The following YTHDF3 variants were observed in gnomAD, a reference collection of about 807,000 sequenced individuals.
YTHDF3 encodes the protein YTH domain-containing family protein 3.
Under a neutral mutation model 52.5 loss-of-function variants are expected in YTHDF3, and 9 were observed. The observed-to-expected ratio is 0.17, with a 90% CI of 0.10 to 0.30. YTHDF3 has a LOEUF of 0.30. YTHDF3 is among the 10% of genes least tolerant of loss of function. YTHDF3 has a pLI of 1.00. For synonymous variants in YTHDF3, 274 were observed against 243.3 expected (o/e 1.13, Z -1.18); for missense variants, 534 against 715.0 (o/e 0.75, Z 2.89).
chr8:63,198,389 C>T (rs1014420869), intron 4 of YTHDF3, among the ~76,000 whole-genome samples: 4 of 152,172 alleles, frequency 2.6e-5, no homozygotes, highest in African/African-American at 9.7e-5. Context: ...GCCTCAGCCT[C>T]CCGAGTAGCC....
At chr8:63,170,124 A>G (rs893046194) in intron 2 of YTHDF3, among the ~76,000 whole-genome samples, 2 of 152,212 alleles carry the variant, frequency 1.3e-5, no homozygotes, top group Non-Finnish European at 2.9e-5. Flanking sequence ...ACATTATGAC[A>G]TTAGTCATGT....
At position 63,212,283 on chromosome 8, in the gene YTHDF3, G is replaced by T. The variant is rs1041090778; in HGVS notation, c.*2577G>T. 2.0e-5 allele frequency: 3 copies of T among 152,582 alleles called. No individual in the cohort carries two copies. Among genetic ancestry groups the T allele is most frequent in the African/African-American group, 7.2e-5 (3 of 41,446 alleles). 9.5% of individuals were successfully genotyped at this position (152,582 alleles called of 1,614,324 possible). On this transcript the variant is annotated 3_prime_UTR_variant, in exon 5 of 5. Coordinates refer to ENST00000539294, the MANE Select transcript of YTHDF3 (RefSeq NM_152758.6). ...AATTAGTATTTCTCTATACGTATTG[G>T]TACTTGAAGATTCCTTTCAAAAGAA...
intron 2 of YTHDF3, among the ~76,000 whole-genome samples, chr8:63,174,052 T>G (rs1327181690): frequency 6.6e-6 from 1 of 152,184 alleles, no homozygotes; most frequent in African/African-American, 2.4e-5. Flanking sequence ...TAACTCATAA[T>G]ATTACATTTT....
chr8:63,171,298 A>C (rs1252882445), intron 2 of YTHDF3, among the ~76,000 whole-genome samples: 1 of 152,186 alleles, frequency 6.6e-6, no homozygotes, highest in Non-Finnish European at 1.5e-5. Flanking sequence ...TCTAGTCATA[A>C]TTCCCATAAT....
chr8:63,175,194 T>G lies in YTHDF3; in HGVS notation c.50-137T>G, dbSNP rs1175105740. On this transcript the variant is annotated intron_variant, in intron 2 of 4. Transcript: ENST00000539294. ...ATTTGTATCTAAAATAGTTTATCCT[T>G]AAGAGGGTTCTTAAAAATAACTCAG... The G allele has an allele frequency of 3.4e-5, 21 of 619,308 alleles. No individual in the cohort carries two copies. In the East Asian group the frequency reaches 5.2e-4, roughly 15 times the overall value. 38.4% of individuals were successfully genotyped at this position (619,308 alleles called of 1,614,324 possible).
chr8:63,208,545 C>G (rs891245777), intron 4 of YTHDF3, among the ~76,000 whole-genome samples: 1 of 152,168 alleles, frequency 6.6e-6, no homozygotes, highest in Non-Finnish European at 1.5e-5. Context: ...TTCTTAGGTT[C>G]CACGTCAGAC....
Position 63,211,059 on chromosome 8 carries a change from G to A in YTHDF3, c.*1353G>A, listed in dbSNP as rs1299696136. 2 of 152,488 alleles carry A rather than the reference G, an allele frequency of 1.3e-5. No homozygotes were observed. The highest frequency in any genetic ancestry group is 4.8e-5 in the African/African-American group (2 of 41,422). 9.4% of individuals were successfully genotyped at this position (152,488 alleles called of 1,614,324 possible). A position where few individuals can be genotyped will look rare whatever the true frequency, so the allele number is the denominator to read the frequency against. ...GTAGATTTGAATACCTTGATGTTTT[G>A]CATTACTTCATTTATGTTTACATCA... On this transcript the variant is annotated 3_prime_UTR_variant, in exon 5 of 5. Transcript: ENST00000539294.
intron 3 of YTHDF3, among the ~76,000 whole-genome samples, chr8:63,179,922 C>T (rs982266737): frequency 6.6e-5 from 10 of 150,718 alleles, no homozygotes; most frequent in South Asian, 2.1e-4. Flanking sequence ...TAGGGGCGGC[C>T]GGGCAGAGGC....
intron 1 of YTHDF3, 162 bp from the exon 2 acceptor site, chr8:63,169,225 C>CTGGG: frequency 7.6e-7 from 1 of 1,313,680 alleles, no homozygotes; most frequent in African/African-American, 1.5e-5. Flanking sequence ...GGTTTAAAGG[C>CTGGG]TGGGGGTGGT....
chr8:63,171,189 C>A (rs1048791896), intron 2 of YTHDF3, among the ~76,000 whole-genome samples: 1 of 152,064 alleles, frequency 6.6e-6, no homozygotes, highest in African/African-American at 2.4e-5. Context: ...TCCTTGGAGT[C>A]CTGAGTTCTA....
intron 4 of YTHDF3, 49 bp downstream of exon 4, chr8:63,187,794 G>A: frequency 6.6e-7 from 1 of 1,508,734 alleles, no homozygotes; most frequent in Non-Finnish European, 8.8e-7. Flanking sequence ...TGCTGGTGGG[G>A]TGCATGGATG....
intron 2 of YTHDF3, among the ~76,000 whole-genome samples, chr8:63,174,210 TTTTG>T (rs932026847): frequency 1.2e-4 from 18 of 152,242 alleles, no homozygotes; most frequent in African/African-American, 3.6e-4. Flanking sequence ...ACTGAGTTCT[TTTTG>T]TTTCTAATTT....
intron 4 of YTHDF3, among the ~76,000 whole-genome samples, chr8:63,188,467 C>G (rs977247651): frequency 1.3e-5 from 2 of 150,316 alleles, no homozygotes; most frequent in Non-Finnish European, 3.0e-5. Context: ...GCTGGGACTA[C>G]GGTCACACAC....
chr8:63,188,699 ATATT>A (rs1187701982), intron 4 of YTHDF3: 288 of 56,594 alleles, frequency 5.1e-3, no homozygotes, highest in East Asian at 0.013. Flanking sequence ...ATATATATAT[ATATT>A]TTTTTTTTTT....
intron 4 of YTHDF3, chr8:63,189,134 T>C (rs961123706): frequency 2.6e-5 from 4 of 152,194 alleles, no homozygotes; most frequent in Non-Finnish European, 5.9e-5. Context: ...CTCTGTAAGA[T>C]TGAGGGAGAC....
Position 63,187,313 on chromosome 8 carries a change from A to G in YTHDF3, c.1302A>G (p.Lys434=), listed in dbSNP as rs1384166505. 1 of 1,614,056 alleles carries G rather than the reference A, an allele frequency of 6.2e-7. No individual in the cohort carries two copies. Among genetic ancestry groups the G allele is most frequent in the Admixed American group, 1.7e-5 (1 of 60,024 alleles). Residue 434 remains lysine (K), a synonymous_variant, in exon 4 of 5, where the codon AAA becomes AAG. Coordinates refer to ENST00000539294, the MANE Select transcript of YTHDF3 (RefSeq NM_152758.6). ...YSEDDIHRSI[K]YSIWCSTEHG... Reference sequence around the variant, plus strand: ...AGGATGACATACATCGTTCCATTAAATACTCTATCTGGTGTAGTACTGAGC... The same window carrying G: ...AGGATGACATACATCGTTCCATTAAGTACTCTATCTGGTGTAGTACTGAGC...
intron 4 of YTHDF3, among the ~76,000 whole-genome samples, chr8:63,199,700 A>G (rs1437625183): frequency 6.6e-6 from 1 of 152,196 alleles, no homozygotes; most frequent in Non-Finnish European, 1.5e-5. Context: ...GTTACCGAAG[A>G]TAAGAGTTAT....
chr8:63,194,784 T>C (rs893878709), intron 4 of YTHDF3, among the ~76,000 whole-genome samples: 33 of 152,198 alleles, frequency 2.2e-4, no homozygotes, highest in African/African-American at 8.0e-4. Flanking sequence ...GGATCTAACT[T>C]GGTTACAACA....
chr8:63,173,671 G>C (rs1188924477), intron 2 of YTHDF3: 5 of 985,024 alleles, frequency 5.1e-6, no homozygotes, highest in African/African-American at 1.8e-5. Context: ...GCCAGTGTCA[G>C]AGGAGAACAG....
Sources: gnomAD v4.1 joint callset for allele counts (sites outside exome capture counted in the v4.1 genomes callset) on GRCh38, gnomAD v4.1.1 for gene constraint, MANE v1.5 for transcripts, NCBI Gene and HGNC (gene_info 2026-07-23, HGNC 2026-07-21) for gene names.